Variants in PTPRD observed in about 807,000 individuals in gnomAD.
The protein encoded by PTPRD is protein tyrosine phosphatase receptor type D.
Under a neutral mutation model 214.5 loss-of-function variants are expected in PTPRD, and 34 were observed. The observed-to-expected ratio is 0.16, with a 90% CI of 0.12 to 0.21. PTPRD has a LOEUF of 0.21. Among genes scored for constraint, PTPRD ranks in the 10% least tolerant of loss-of-function variants. The pLI is 1.00. For synonymous variants in PTPRD, 1,128 were observed against 845.7 expected, an observed-to-expected ratio of 1.33 and a Z score of -5.79; for missense variants, 2,545 against 2,398.7, an observed-to-expected ratio of 1.06 and a Z score of -1.27.
intron 5 of PTPRD, among the ~76,000 whole-genome samples, chr9:9,861,317 GT>G (rs2062718910): frequency 3.9e-5 from 6 of 152,090 alleles, no homozygotes; most frequent in Admixed American, 1.3e-4. Flanking sequence ...TTGAGACAGA[GT>G]CTTGCTCTGT....
intron 6 of PTPRD, among the ~76,000 whole-genome samples, chr9:9,746,763 G>A (rs1432147055): frequency 6.6e-6 from 1 of 151,562 alleles, no homozygotes; most frequent in Non-Finnish European, 1.5e-5. Context: ...GTCCATCTTG[G>A]GTCACAGTTT....
chr9:9,247,005 ACT>A (rs1453281078), intron 9 of PTPRD, among the ~76,000 whole-genome samples: 2 of 150,986 alleles, frequency 1.3e-5, no homozygotes, highest in East Asian at 3.9e-4. Context: ...TCCCCGAGTG[ACT>A]CATAGAAATC....
At position 8,518,552 on chromosome 9, in the gene PTPRD, T is replaced by C. The variant is rs2097827972; in HGVS notation, c.962-123A>G. ...CTACTGAAGATTTAATTAAATGAAA[T>C]TATAGCAAAGAGTAGTTTTCTGAAT... On this transcript the variant is annotated intron_variant, in intron 20 of 45. Coordinates refer to ENST00000381196, the MANE Select transcript of PTPRD (RefSeq NM_002839.4). The C allele has an allele frequency of 4.1e-6, 3 of 728,528 alleles. No individual in the cohort carries two copies. In the South Asian group the frequency reaches 7.2e-5, roughly 18 times the overall value. 45.1% of individuals were successfully genotyped at this position (728,528 alleles called of 1,614,324 possible).
At chr9:10,276,380 T>C (rs2094692061) in intron 3 of PTPRD, among the ~76,000 whole-genome samples, 1 of 152,204 alleles carries the variant, frequency 6.6e-6, no homozygotes, top group Admixed American at 6.5e-5. Flanking sequence ...AGTAGCCAAT[T>C]TGCTCATTAA....
intron 8 of PTPRD, among the ~76,000 whole-genome samples, chr9:9,488,443 G>A (rs2095754113): frequency 6.6e-6 from 1 of 152,120 alleles, no homozygotes; most frequent in Non-Finnish European, 1.5e-5. Context: ...GTTGTACCTG[G>A]AAAGCAACTG....
chr9:9,300,523 G>A (rs901515700), intron 9 of PTPRD, among the ~76,000 whole-genome samples: 1 of 151,742 alleles, frequency 6.6e-6, no homozygotes, highest in African/African-American at 2.4e-5. Flanking sequence ...TGTTGAAATT[G>A]TAACTCCAAA....
chr9:9,031,260 T>C (rs943233746), intron 10 of PTPRD, among the ~76,000 whole-genome samples: 2 of 142,380 alleles, frequency 1.4e-5, no homozygotes, highest in African/African-American at 2.5e-5. Flanking sequence ...GACTGTCAAA[T>C]CACATTTGTT....
chr9:8,485,162 T>A (rs1464350224), intron 29 of PTPRD, 65 bp downstream of exon 29: 10 of 1,385,590 alleles, frequency 7.2e-6, no homozygotes, highest in African/African-American at 1.4e-5. Flanking sequence ...TGCAAATAAC[T>A]TACCCAGATA....
At chr9:8,813,847 T>G (rs1455696609) in intron 11 of PTPRD, among the ~76,000 whole-genome samples, 2 of 152,230 alleles carry the variant, frequency 1.3e-5, no homozygotes, top group East Asian at 1.9e-4. Context: ...AGGAAGAAAT[T>G]TAAAAGAAAA....
intron 11 of PTPRD, among the ~76,000 whole-genome samples, chr9:8,888,524 T>A (rs1407840134): frequency 2.0e-5 from 3 of 152,154 alleles, no homozygotes; most frequent in African/African-American, 7.2e-5. Context: ...ACAAACATTG[T>A]CTCCCTCGTG....
At chr9:9,000,189 A>G (rs527401601) in intron 11 of PTPRD, among the ~76,000 whole-genome samples, 1 of 152,176 alleles carries the variant, frequency 6.6e-6, no homozygotes, top group East Asian at 1.9e-4. Context: ...CTGCATGTGG[A>G]GCTGCGTTCT....
intron 21 of PTPRD, among the ~76,000 whole-genome samples, chr9:8,513,498 G>A (rs1191423929): frequency 2.0e-5 from 3 of 151,974 alleles, no homozygotes; most frequent in African/African-American, 2.4e-5. Flanking sequence ...AATTAAATGA[G>A]TACCTTTTAG....
rs1461186045 is a variant in PTPRD at position 10,060,792 on chromosome 9, C to A, written c.-544-27002G>T. On this transcript the variant is annotated intron_variant, in intron 3 of 45. Transcript: ENST00000381196. ...AGGTCTTGCTTTTCTTTCTTTCTTTCTTTCTTTCTTCCTTTCTTTCTTTCT... is the reference window on the plus strand; with the variant it reads ...AGGTCTTGCTTTTCTTTCTTTCTTTATTTCTTTCTTCCTTTCTTTCTTTCT... Among the ~76,000 whole-genome samples the A allele has an allele frequency of 4.7e-5, 6 of 127,422 alleles. 1 individual carries two copies. Among genetic ancestry groups the A allele is most frequent in the African/African-American group, 9.8e-5 (2 of 20,414 alleles). 83.6% of individuals were successfully genotyped at this position (127,422 alleles called of 152,430 possible). A position where few individuals can be genotyped will look rare whatever the true frequency, so the allele number is the denominator to read the frequency against.
chr9:8,686,786 C>G (rs1419383816), intron 12 of PTPRD, among the ~76,000 whole-genome samples: 2 of 152,064 alleles, frequency 1.3e-5, no homozygotes, highest in African/African-American at 4.8e-5. Flanking sequence ...AAAAAGGAAG[C>G]CAAAATAAGT....
chr9:9,666,855 C>G (rs1055147335), intron 7 of PTPRD, among the ~76,000 whole-genome samples: 11 of 152,024 alleles, frequency 7.2e-5, no homozygotes, highest in African/African-American at 2.7e-4. Flanking sequence ...TTTTCTTCTA[C>G]TCCTTTTTTC....
rs554168674 is a variant in PTPRD at position 9,752,487 on chromosome 9, G to C, written c.-326+14323C>G. Among the ~76,000 whole-genome samples the C allele has an allele frequency of 2.0e-5, 3 of 151,904 alleles. No homozygotes were observed. In the East Asian group the frequency reaches 5.9e-4, roughly 30 times the overall value. On this transcript the variant is annotated intron_variant, in intron 6 of 45. Transcript: ENST00000381196. ...CTGACACTGGAATCCTTGTGTACTA[G>C]TTTCTTGTAAAAATGGAGTGTGCCT...
chr9:10,002,934 T>C (rs188696748), intron 4 of PTPRD, among the ~76,000 whole-genome samples: 295 of 151,866 alleles, frequency 1.9e-3, no homozygotes, highest in African/African-American at 6.6e-3. Flanking sequence ...TTATATCTTA[T>C]AGTAAGCCTC....
At chr9:9,200,727 G>A (rs1286479980) in intron 9 of PTPRD, among the ~76,000 whole-genome samples, 3 of 152,212 alleles carry the variant, frequency 2.0e-5, no homozygotes, top group Non-Finnish European at 4.4e-5. Flanking sequence ...GAGGTATCAA[G>A]AAATACCCTG....
chr9:8,796,262 G>A (rs2096418594), intron 11 of PTPRD, among the ~76,000 whole-genome samples: 1 of 152,028 alleles, frequency 6.6e-6, no homozygotes, highest in Non-Finnish European at 1.5e-5. Context: ...TAATTATACT[G>A]GAATCTAATA....
Sources: gnomAD v4.1 joint callset for allele counts (sites outside exome capture counted in the v4.1 genomes callset) on GRCh38, gnomAD v4.1.1 for gene constraint, MANE v1.5 for transcripts, NCBI Gene and HGNC (gene_info 2026-07-23, HGNC 2026-07-21) for gene names.